The following NPAS2 variants were observed in gnomAD, a reference collection of about 807,000 sequenced individuals.
The protein encoded by NPAS2 is neuronal PAS domain-containing protein 2.
Under a neutral mutation model 107.5 loss-of-function variants are expected in NPAS2, and 23 were observed. The observed-to-expected ratio is 0.21, with a 90% CI of 0.15 to 0.30. The LOEUF is 0.30. NPAS2 is among the 10% of genes least tolerant of loss of function. NPAS2 has a pLI of 1.00. For synonymous variants in NPAS2, 403 were observed against 417.5 expected (o/e 0.97, Z 0.42); for missense variants, 756 against 1,043.3 (o/e 0.72, Z 3.79).
At chr2:100,969,521 A>G (rs1031192602) in intron 11 of NPAS2, among the ~76,000 whole-genome samples, 20 of 152,220 alleles carry the variant, frequency 1.3e-4, no homozygotes, top group African/African-American at 4.6e-4. Context: ...TGTTCCCGCA[A>G]AGGACATGAA....
intron 16 of NPAS2, 64 bp from the exon 17 acceptor site, chr2:100,988,015 G>C: frequency 6.5e-7 from 1 of 1,541,870 alleles, no homozygotes; most frequent in African/African-American, 1.4e-5. Flanking sequence ...GGAATGCAAA[G>C]GAGGTGCACA....
At position 100,946,367 on chromosome 2, in the gene NPAS2, AC is replaced by A. The variant is rs528668808; in HGVS notation, c.364-1866del. On this transcript the variant is annotated intron_variant, in intron 5 of 20. Transcript: ENST00000335681. ...ATCATCAGTGGGGGTGGAGGGTGTC[AC>A]CTGGGGCTTTCTCAGAGGAAGTGAC... Among the ~76,000 whole-genome samples the A allele has an allele frequency of 3.0e-3, 459 of 152,246 alleles. 2 individuals are homozygous for A. Among genetic ancestry groups the A allele is most frequent in the African/African-American group, 0.011 (438 of 41,554 alleles).
Position 100,976,386 on chromosome 2 carries a change from G to T in NPAS2, c.1392+819G>T, listed in dbSNP as rs1020925996. 6.6e-6 allele frequency among the ~76,000 whole-genome samples: 1 copy of T among 152,080 alleles called. No individual in the cohort carries two copies. The highest frequency in any genetic ancestry group is 2.4e-5 in the African/African-American group (1 of 41,418). On this transcript the variant is annotated intron_variant, in intron 14 of 20. Transcript: ENST00000335681. This position sits in a 1 kb window ranked among gnomAD's most constrained non-coding sequence, Gnocchi z 4.1. ...GTTCCAAGAGGAGACACCTGGAGAC[G>T]CAGGCAGGAACCATGCAGACCTCTG...
chr2:100,862,689 C>T (rs974854693), intron 1 of NPAS2, among the ~76,000 whole-genome samples: 5 of 152,180 alleles, frequency 3.3e-5, no homozygotes, highest in South Asian at 2.1e-4. Context: ...AGCACACTGC[C>T]GTTCCTTTTT....
intron 5 of NPAS2, among the ~76,000 whole-genome samples, chr2:100,942,921 G>A (rs905159814): frequency 6.6e-6 from 1 of 152,130 alleles, no homozygotes; most frequent in Non-Finnish European, 1.5e-5. Flanking sequence ...TAGCTGCTGT[G>A]GGCTCTTCTT....
intron 1 of NPAS2, among the ~76,000 whole-genome samples, chr2:100,881,157 A>G (rs1333171808): frequency 6.6e-6 from 1 of 152,198 alleles, no homozygotes; most frequent in East Asian, 1.9e-4. Context: ...GTGGAAACAG[A>G]TGACCTTTTG....
intron 2 of NPAS2, among the ~76,000 whole-genome samples, chr2:100,915,650 A>G (rs2104836240): frequency 6.6e-6 from 1 of 152,306 alleles, no homozygotes; most frequent in South Asian, 2.1e-4. Flanking sequence ...AATATTTTTT[A>G]AATGTTAAAA....
At chr2:100,854,892 G>A (rs1290699213) in intron 1 of NPAS2, among the ~76,000 whole-genome samples, 2 of 152,168 alleles carry the variant, frequency 1.3e-5, no homozygotes, top group East Asian at 3.9e-4. Flanking sequence ...GTTGAGTGCT[G>A]GACCCTGAAA....
chr2:100,830,267 G>A (rs1244471164), intron 1 of NPAS2, among the ~76,000 whole-genome samples: 1 of 151,996 alleles, frequency 6.6e-6, no homozygotes, highest in African/African-American at 2.4e-5. Context: ...ATATTTTTTG[G>A]CATACAAATG....
chr2:100,844,258 A>G (rs1274668376), intron 1 of NPAS2, among the ~76,000 whole-genome samples: 1 of 152,200 alleles, frequency 6.6e-6, no homozygotes, highest in African/African-American at 2.4e-5. Context: ...CATGGGGTCA[A>G]GGGGAGGCTC....
At chr2:100,963,363 A>C (rs1343407233) in intron 7 of NPAS2, among the ~76,000 whole-genome samples, 1 of 151,924 alleles carries the variant, frequency 6.6e-6, no homozygotes, top group African/African-American at 2.4e-5. Context: ...CCGTTACTGC[A>C]GAATGAGGCT....
rs1676794569 is a variant in NPAS2 at position 100,974,120 on chromosome 2, G to A, written c.1141-683G>A. 3.3e-5 allele frequency among the ~76,000 whole-genome samples: 5 copies of A among 152,250 alleles called. No homozygotes were observed. The South Asian group carries it at 1.0e-3, about 31-fold the overall frequency. The stretch of plus-strand genomic sequence containing the variant: ...GCCTCCCAAAGAGCTGGGATTACAG[G>A]CGTGAGCCACCGCACCCAGCCCCAA... On this transcript the variant is annotated intron_variant, in intron 12 of 20. Transcript: ENST00000335681.
chr2:100,915,736 C>T (rs1007949371), intron 2 of NPAS2, among the ~76,000 whole-genome samples: 1 of 152,084 alleles, frequency 6.6e-6, no homozygotes, highest in African/African-American at 2.4e-5. Context: ...GAAGATTACT[C>T]TCAAATGAAC....
intron 18 of NPAS2, 64 bp downstream of exon 18, chr2:100,990,510 T>G: frequency 3.3e-6 from 5 of 1,532,698 alleles, no homozygotes; most frequent in South Asian, 1.1e-5. Context: ...ATTTCAGCTC[T>G]ACTTTCTGCT....
chr2:100,909,647 T>G (rs1377525812), intron 2 of NPAS2, among the ~76,000 whole-genome samples: 1 of 152,098 alleles, frequency 6.6e-6, no homozygotes, highest in Non-Finnish European at 1.5e-5. Context: ...TTTCCTTTCA[T>G]AGGCTTTGGA....
intron 1 of NPAS2, among the ~76,000 whole-genome samples, chr2:100,890,031 G>A (rs1409463423): frequency 6.6e-6 from 1 of 152,134 alleles, no homozygotes; most frequent in Non-Finnish European, 1.5e-5. Context: ...CCTCCTCCTG[G>A]CAGCGTGCAG....
intron 5 of NPAS2, among the ~76,000 whole-genome samples, chr2:100,939,696 GAC>G (rs1674465401): frequency 6.6e-6 from 1 of 152,214 alleles, no homozygotes; most frequent in Admixed American, 6.5e-5. Flanking sequence ...GGGAATGAGA[GAC>G]AGGAGCCAGA....
intron 8 of NPAS2, among the ~76,000 whole-genome samples, 189 bp from the exon 9 acceptor site, chr2:100,964,672 T>A (rs1306823701): frequency 6.6e-6 from 1 of 152,200 alleles, no homozygotes; most frequent in Non-Finnish European, 1.5e-5. Flanking sequence ...TTCCCTAGCT[T>A]GTGAAATAAA....
intron 5 of NPAS2, among the ~76,000 whole-genome samples, chr2:100,939,550 G>A (rs1573670501): frequency 6.6e-6 from 1 of 152,186 alleles, no homozygotes; most frequent in East Asian, 1.9e-4. Flanking sequence ...AAGCTGGGCT[G>A]ATCTGAGGGT....
Sources: allele counts gnomAD v4.1 joint callset (sites outside exome capture counted in the v4.1 genomes callset), GRCh38; gene constraint gnomAD v4.1.1; non-coding constraint Gnocchi (gnomAD v3.1); transcripts MANE v1.5; gene names NCBI Gene and HGNC (gene_info 2026-07-23, HGNC 2026-07-21).